PPP1R12B: variants seen among roughly 807,000 people sequenced by gnomAD.
PPP1R12B encodes the protein myosin phosphatase target subunit 2.
A neutral mutation model predicts 126.1 loss-of-function variants in PPP1R12B; 76 were observed. That is an observed-to-expected ratio of 0.60 (90% CI 0.50 to 0.73). The LOEUF (loss-of-function observed/expected upper bound fraction) is 0.73, where lower values mean the gene tolerates loss of function less well. PPP1R12B is among the 30% of genes least tolerant of loss of function. The pLI, the probability that PPP1R12B is intolerant of heterozygous loss-of-function variation, is 0.00. For synonymous variants in PPP1R12B, 356 were observed against 434.7 expected, an observed-to-expected ratio of 0.82 and a Z score of 2.25; for missense variants, 1,052 against 1,205.1, an observed-to-expected ratio of 0.87 and a Z score of 1.88.
chr1:202,371,818 T>C (rs938787647), intron 1 of PPP1R12B, among the ~76,000 whole-genome samples: 1 of 151,822 alleles, frequency 6.6e-6, no homozygotes, highest in Non-Finnish European at 1.5e-5. Flanking sequence ...TTTTTGTTGT[T>C]ATGTTGATAT....
intron 18 of PPP1R12B, among the ~76,000 whole-genome samples, chr1:202,554,340 G>T (rs1686657485): frequency 6.6e-6 from 1 of 152,098 alleles, no homozygotes; most frequent in Non-Finnish European, 1.5e-5. Context: ...ATTACAGCGA[G>T]AATAATTCAC....
intron 18 of PPP1R12B, among the ~76,000 whole-genome samples, chr1:202,525,102 CT>C (rs1683181150): frequency 6.6e-6 from 1 of 152,170 alleles, no homozygotes; most frequent in South Asian, 2.1e-4. Context: ...TGGTCTAGAA[CT>C]CCTGACCTCA....
chr1:202,431,470 T>C lies in PPP1R12B; in HGVS notation c.1002-10T>C. ...TCTGAATTATACTCAAGTTGTCATC[T>C]TTAATTTAGCAAAGAGAAGATGCTC... On this transcript the variant is annotated splice_polypyrimidine_tract_variant and intron_variant, in intron 7 of 23. Transcript: ENST00000608999. The C allele has an allele frequency of 5.7e-6, 9 of 1,584,636 alleles. No homozygotes were observed. Among genetic ancestry groups the C allele is most frequent in the Non-Finnish European group, 7.7e-6 (9 of 1,170,506 alleles).
In PPP1R12B at chr1:202,588,874, T is replaced by TAAG. The variant is rs1436831372; in HGVS notation, c.*8314_*8315insAAG. The stretch of plus-strand genomic sequence containing the variant: ...AGATAGATAGATAGATAGATAGATA[T>TAAG]CAAGGTTCCAAGCTTCAAGTAACCA... On this transcript the variant is annotated 3_prime_UTR_variant, in exon 24 of 24. Transcript: ENST00000608999. 9 of 104,570 alleles carry TAAG rather than the reference T, an allele frequency of 8.6e-5. No homozygotes were observed. Among genetic ancestry groups the TAAG allele is most frequent in the African/African-American group, 3.3e-4 (9 of 27,624 alleles). The allele number at this position is 104,570 out of a possible 1,614,324, so 6.5% of individuals were successfully genotyped here. A position where few individuals can be genotyped will look rare whatever the true frequency, so the allele number is the denominator to read the frequency against.
At chr1:202,562,538 T>G in intron 19 of PPP1R12B, 1 of 647,644 alleles carries the variant, frequency 1.5e-6, no homozygotes, top group South Asian at 1.4e-5. Flanking sequence ...AAACCACTAA[T>G]TTTTCAATAA....
chr1:202,415,925 C>A (rs530453805), intron 1 of PPP1R12B, among the ~76,000 whole-genome samples: 1 of 152,120 alleles, frequency 6.6e-6, no homozygotes, highest in South Asian at 2.1e-4. Flanking sequence ...TGTATTTGAT[C>A]CTGTGTGATT....
At chr1:202,395,687 A>G (rs1274242311) in intron 1 of PPP1R12B, among the ~76,000 whole-genome samples, 1 of 152,158 alleles carries the variant, frequency 6.6e-6, no homozygotes. Context: ...GGGACTTCCA[A>G]TTCTTTTTCC....
Position 202,549,569 on chromosome 1 carries a change from G to A in PPP1R12B, c.2491-9308G>A, listed in dbSNP as rs1213010886. Among the ~76,000 whole-genome samples, 25 of 151,948 alleles carry A rather than the reference G, an allele frequency of 1.6e-4. No homozygotes were observed. The South Asian group carries it at 1.7e-3, about 10-fold the overall frequency. ...CGAGTAGCTGGGACTACAGGTGCCC[G>A]CCACCACACCTGGCTAATTTTTGTA... On this transcript the variant is annotated intron_variant, in intron 18 of 23. Coordinates refer to ENST00000608999, the MANE Select transcript of PPP1R12B (RefSeq NM_002481.4).
At chr1:202,379,743 A>G (rs1047154684) in intron 1 of PPP1R12B, among the ~76,000 whole-genome samples, 3 of 152,234 alleles carry the variant, frequency 2.0e-5, no homozygotes, top group Non-Finnish European at 4.4e-5. Context: ...ATCTAATGAT[A>G]TAACTTTTCT....
chr1:202,449,246 T>C, intron 13 of PPP1R12B, 75 bp downstream of exon 13: 1 of 1,483,606 alleles, frequency 6.7e-7, no homozygotes, highest in African/African-American at 1.4e-5. Flanking sequence ...ATAAAGTGTT[T>C]TTCCCAATTT....
chr1:202,439,006 G>A lies in PPP1R12B; in HGVS notation c.1458+982G>A, dbSNP rs1235411930. ...GCATGGCCCTGGCCAACCGGAAGCA[G>A]GAGTGCGGCAGTGCCCACTACCAGT... On this transcript the variant is annotated intron_variant, in intron 10 of 23. Transcript: ENST00000608999. The A allele has an allele frequency of 1.1e-5, 16 of 1,443,588 alleles. No homozygotes were observed. In the African/African-American group the frequency reaches 1.1e-4, roughly 10 times the overall value. The allele number at this position is 1,443,588 out of a possible 1,614,324, so 89.4% of individuals were successfully genotyped here.
At chr1:202,525,705 T>C (rs1422619173) in intron 18 of PPP1R12B, among the ~76,000 whole-genome samples, 1 of 151,754 alleles carries the variant, frequency 6.6e-6, no homozygotes, top group Non-Finnish European at 1.5e-5. Flanking sequence ...AAGGATGTTT[T>C]TTGTTTTGAG....
intron 18 of PPP1R12B, among the ~76,000 whole-genome samples, chr1:202,540,648 G>A (rs1008246151): frequency 2.0e-5 from 3 of 152,134 alleles, no homozygotes; most frequent in Admixed American, 1.3e-4. Context: ...CCTCTGAAAT[G>A]GCCACACAAC....
chr1:202,374,493 C>CTTTTTTTTTTTTTTTTTTT (rs1160730172), intron 1 of PPP1R12B, among the ~76,000 whole-genome samples: 1 of 89,506 alleles, frequency 1.1e-5, no homozygotes, highest in Non-Finnish European at 2.0e-5. Context: ...TTGTCTCTCT[C>CTTTTTTTTTTTTTTTTTTT]TTTTTTTTTT....
At position 202,585,557 on chromosome 1, in the gene PPP1R12B, T is replaced by G. The variant is rs141994116; in HGVS notation, c.*4997T>G. On this transcript the variant is annotated 3_prime_UTR_variant, in exon 24 of 24. Coordinates refer to ENST00000608999, the MANE Select transcript of PPP1R12B (RefSeq NM_002481.4). ...TTTGGCTTAAAATTCTGTGATTTAT[T>G]CATTCTTAGGAAGATCAGCATATTT... is the stretch of plus-strand genomic sequence containing the variant. The G allele has an allele frequency of 2.6e-5, 4 of 152,268 alleles. No homozygotes were observed. Among genetic ancestry groups the G allele is most frequent in the African/African-American group, 7.2e-5 (3 of 41,474 alleles). The allele number at this position is 152,268 out of a possible 1,614,324, so 9.4% of individuals were successfully genotyped here. A position where few individuals can be genotyped will look rare whatever the true frequency, so the allele number is the denominator to read the frequency against.
At chr1:202,523,462 A>ACCTC (rs1682988107) in intron 18 of PPP1R12B, among the ~76,000 whole-genome samples, 1 of 152,344 alleles carries the variant, frequency 6.6e-6, no homozygotes, top group Admixed American at 6.5e-5. Flanking sequence ...CTGAAGGAAG[A>ACCTC]ACATTTCTTC....
chr1:202,548,098 TG>T (rs1685839941), intron 18 of PPP1R12B, among the ~76,000 whole-genome samples: 1 of 152,236 alleles, frequency 6.6e-6, no homozygotes, highest in South Asian at 2.1e-4. Context: ...TAAGTAATCA[TG>T]TAAGATCACA....
chr1:202,367,991 C>T (rs12059424), intron 1 of PPP1R12B, among the ~76,000 whole-genome samples: 29,427 of 151,348 alleles, frequency 0.19, 3,029 homozygotes, highest in Non-Finnish European at 0.22. Context: ...TTTTTAGAGA[C>T]GGAGTTTTGC....
intron 18 of PPP1R12B, chr1:202,540,238 C>A: frequency 6.3e-7 from 1 of 1,591,528 alleles, no homozygotes; most frequent in South Asian, 1.1e-5. Flanking sequence ...CCAAGACGCT[C>A]CGAGTAAGCA....
Sources: gnomAD v4.1 joint callset for allele counts (sites outside exome capture counted in the v4.1 genomes callset) on GRCh38, gnomAD v4.1.1 for gene constraint, MANE v1.5 for transcripts, NCBI Gene and HGNC (gene_info 2026-07-23, HGNC 2026-07-21) for gene names.